The following TLN2 variants were observed in gnomAD, a reference collection of about 807,000 sequenced individuals.
TLN2 encodes talin 2, also known as talin-2.
A neutral mutation model predicts 294.7 loss-of-function variants in TLN2; 118 were observed. The ratio of observed to expected loss-of-function variants is 0.40; its 90% confidence interval spans 0.34 to 0.47. The LOEUF (loss-of-function observed/expected upper bound fraction) is 0.47. Ranked by LOEUF, TLN2 falls within the 20% of genes least tolerant of loss-of-function variation. TLN2 has a pLI of 0.84. For missense variants in TLN2, 3,083 were observed against 3,282.2 expected (o/e 0.94, Z 1.48); for synonymous variants, 1,431 against 1,304.5 (o/e 1.10, Z -2.09).
At chr15:62,599,059 C>G (rs959979527) in intron 2 of TLN2, among the ~76,000 whole-genome samples, 15 of 152,196 alleles carry the variant, frequency 9.9e-5, no homozygotes, top group Non-Finnish European at 4.4e-5. Context: ...CTCCTTGTCA[C>G]CTCTGTGTCA....
chr15:62,453,671 G>A (rs1324137085), intron 1 of TLN2: 1 of 152,070 alleles, frequency 6.6e-6, no homozygotes, highest in African/African-American at 2.4e-5. Context: ...TTATTTTTTG[G>A]TGGTACTTTG....
chr15:62,833,586 A>G lies in TLN2; in HGVS notation c.7085A>G (p.Lys2362Arg), dbSNP rs746566406. 1 of 1,614,200 alleles carries G rather than the reference A, an allele frequency of 6.2e-7. No homozygotes were observed. Among genetic ancestry groups the G allele is most frequent in the Non-Finnish European group, 8.5e-7 (1 of 1,180,032 alleles). ...GCTGCTGCCACAAGCGCCCTGGTCAAATCGGCCTCAGCAGCCCAGAGGGAG... is the reference window on the plus strand; with the variant it reads ...GCTGCTGCCACAAGCGCCCTGGTCAGATCGGCCTCAGCAGCCCAGAGGGAG... ...SIAAATSALVKSASAAQRELV... is the reference protein window; with the variant it reads ...SIAAATSALVRSASAAQRELV... Residue 2362 changes from lysine to arginine, a missense_variant, in exon 55 of 59, where the codon AAA becomes AGA. By Grantham distance (26) the Lys-to-Arg change is conservative. Transcript: ENST00000636159.
intron 54 of TLN2, 136 bp downstream of exon 54, chr15:62,820,746 A>G (rs2067493725): frequency 8.4e-7 from 1 of 1,188,570 alleles, no homozygotes; most frequent in Admixed American, 2.4e-5. Context: ...AACCGGATCT[A>G]CCTGCCCGGC....
chr15:62,650,743 T>A (rs1375215091), intron 5 of TLN2, among the ~76,000 whole-genome samples: 1 of 152,302 alleles, frequency 6.6e-6, no homozygotes, highest in South Asian at 2.1e-4. Context: ...GTATGTAGGG[T>A]GAAGTGCACC....
At chr15:62,745,734 A>G (rs968951015) in intron 32 of TLN2, among the ~76,000 whole-genome samples, 1 of 152,192 alleles carries the variant, frequency 6.6e-6, no homozygotes, top group Non-Finnish European at 1.5e-5. Flanking sequence ...GTTGCTCCGT[A>G]TTCTTTGCTC....
chr15:62,796,380 GA>G, intron 47 of TLN2, 87 bp downstream of exon 47: 1 of 1,442,048 alleles, frequency 6.9e-7, no homozygotes, highest in South Asian at 1.4e-5. Flanking sequence ...CTGGGAGCCA[GA>G]AATGTAGTTA....
intron 30 of TLN2, among the ~76,000 whole-genome samples, chr15:62,739,043 G>A (rs982180898): frequency 5.9e-5 from 9 of 152,062 alleles, no homozygotes; most frequent in Non-Finnish European, 8.8e-5. Context: ...CCCTGGAGTC[G>A]GATTGCCTTG....
chr15:62,561,063 G>A (rs1018879496), intron 1 of TLN2, among the ~76,000 whole-genome samples: 18 of 152,230 alleles, frequency 1.2e-4, no homozygotes, highest in African/African-American at 3.4e-4. Flanking sequence ...AAAACAAGAC[G>A]GAAGAAAGAG....
intron 9 of TLN2, among the ~76,000 whole-genome samples, chr15:62,665,177 C>G (rs1157016250): frequency 6.6e-6 from 1 of 152,026 alleles, no homozygotes; most frequent in East Asian, 1.9e-4. Context: ...GTCCCCTCAC[C>G]TCAGCCTCTC....
At chr15:62,815,872 C>T (rs1473761876) in intron 52 of TLN2, among the ~76,000 whole-genome samples, 1 of 152,102 alleles carries the variant, frequency 6.6e-6, no homozygotes, top group Non-Finnish European at 1.5e-5. Flanking sequence ...TATCTGTTCC[C>T]ACTCCTATTC....
chr15:62,619,652 C>T (rs1351162286), intron 3 of TLN2, among the ~76,000 whole-genome samples: 1 of 152,178 alleles, frequency 6.6e-6, no homozygotes, highest in Admixed American at 6.5e-5. Context: ...AATCTGATGA[C>T]TGGCGTCCTT....
intron 3 of TLN2, among the ~76,000 whole-genome samples, chr15:62,635,186 T>G (rs2050260080): frequency 6.6e-6 from 1 of 152,246 alleles, no homozygotes; most frequent in African/African-American, 2.4e-5. Context: ...TTATTTCTTG[T>G]TGTTTTGTTA....
At chr15:62,667,866 C>T (rs1000445541) in intron 9 of TLN2, among the ~76,000 whole-genome samples, 7 of 152,110 alleles carry the variant, frequency 4.6e-5, no homozygotes, top group African/African-American at 1.4e-4. Flanking sequence ...TAATATTTAG[C>T]CTTAACAGTG....
chr15:62,704,832 TTTATATTAGGGCAGGTAA>T (rs1409167810), intron 19 of TLN2, among the ~76,000 whole-genome samples: 2 of 152,248 alleles, frequency 1.3e-5, no homozygotes, highest in African/African-American at 4.8e-5. Flanking sequence ...GCCTTTACTT[TTTATATTAGGGCAGGTAA>T]TTATTTGTAG....
At chr15:62,800,276 G>C (rs1008356631) in intron 48 of TLN2, 92 bp from the exon 49 acceptor site, 134 of 1,535,386 alleles carry the variant, frequency 8.7e-5, no homozygotes, top group Non-Finnish European at 1.2e-4. Flanking sequence ...CTCCTCCCCC[G>C]TGCCCTGGCC....
In TLN2 at chr15:62,755,696, A is replaced by G. The variant is rs768790282; in HGVS notation, c.4638+3A>G. 2 of 1,614,144 alleles carry G rather than the reference A, an allele frequency of 1.2e-6. No homozygotes were observed. Among genetic ancestry groups the G allele is most frequent in the Non-Finnish European group, 1.7e-6 (2 of 1,179,980 alleles). On this transcript the variant is annotated splice_donor_region_variant and intron_variant, in intron 37 of 58. Transcript: ENST00000636159. ...CCAACCTGGTGAAGACCATCAAGGT[A>G]GGTCGCTGGACTACCGGCCTTATTG...
At chr15:62,691,916 C>G (rs775269146) in intron 12 of TLN2, among the ~76,000 whole-genome samples, 2 of 152,108 alleles carry the variant, frequency 1.3e-5, no homozygotes, top group Non-Finnish European at 2.9e-5. Flanking sequence ...ACAAGTGATC[C>G]TCTCGCCTCA....
intron 1 of TLN2, among the ~76,000 whole-genome samples, chr15:62,523,300 A>G (rs1199948131): frequency 1.3e-5 from 2 of 152,220 alleles, no homozygotes; most frequent in African/African-American, 2.4e-5. Context: ...AGGTATGGAC[A>G]TGGTGGTGTT....
In TLN2 at chr15:62,762,390, C is replaced by A; in HGVS notation, c.4898C>A (p.Ser1633Tyr). Residue 1633 changes from serine (S) to tyrosine (Y), a missense_variant, in exon 39 of 59, where the codon TCT (serine) becomes TAT (tyrosine). Coordinates refer to ENST00000636159, the MANE Select transcript of TLN2 (RefSeq NM_015059.3). ...AINPKDPPTWSVLAGHSHTVS... is the reference protein window; with the variant it reads ...AINPKDPPTWYVLAGHSHTVS... The stretch of plus-strand genomic sequence containing the variant: ...AACCCCAAAGACCCACCCACCTGGT[C>A]TGTACTGGCTGGACATTCCCATACA... 6.2e-7 allele frequency: 1 copy of A among 1,614,208 alleles called. No homozygotes were observed. The highest frequency in any genetic ancestry group is 8.5e-7 in the Non-Finnish European group (1 of 1,180,034).
Sources: gnomAD v4.1 joint callset for allele counts (sites outside exome capture counted in the v4.1 genomes callset) on GRCh38, gnomAD v4.1.1 for gene constraint, MANE v1.5 for transcripts, NCBI Gene and HGNC (gene_info 2026-07-23, HGNC 2026-07-21) for gene names.